DST: variants seen among roughly 807,000 people sequenced by gnomAD.
DST encodes dystonin.
DST carries 253 observed loss-of-function variants against 875.2 expected under a neutral mutation model. The ratio of observed to expected loss-of-function variants is 0.29; its 90% confidence interval spans 0.26 to 0.32. DST has a LOEUF of 0.32. DST is among the 10% of genes least tolerant of loss of function. The pLI is 1.00. For synonymous variants in DST, 3,124 were observed against 3,197.1 expected, an observed-to-expected ratio of 0.98 and a Z score of 0.77; for missense variants, 8,287 against 9,111.6, an observed-to-expected ratio of 0.91 and a Z score of 3.68.
At chr6:56,506,855 C>T in intron 75 of DST, 66 bp from the exon 76 acceptor site, 1 of 1,468,830 alleles carries the variant, frequency 6.8e-7, no homozygotes, top group Non-Finnish European at 9.1e-7. Flanking sequence ...AAAAAGTACA[C>T]AACAATATCA....
intron 9 of DST, among the ~76,000 whole-genome samples, chr6:56,676,959 C>T (rs1356436533): frequency 2.0e-5 from 3 of 152,074 alleles, no homozygotes; most frequent in Admixed American, 6.6e-5. Context: ...ATTTCTCTTA[C>T]ACAACATAGT....
chr6:56,640,063 G>A lies in DST; in HGVS notation c.2491-6C>T, dbSNP rs143259402. 1.1e-3 allele frequency: 1,707 copies of A among 1,613,946 alleles called. 9 individuals carry two copies. The African/African-American group carries it at 0.02, about 19-fold the overall frequency. On this transcript the variant is annotated splice_region_variant and splice_polypyrimidine_tract_variant and intron_variant, in intron 18 of 103. Transcript: ENST00000680361. ...TCAGTGCGGTCCAGTTGTACCTTCA[G>A]ACAGTAAAATACTAAGTTTAAAAAA...
At position 56,572,974 on chromosome 6, in the gene DST, T is replaced by A; in HGVS notation, c.13327A>T (p.Thr4443Ser). 6.2e-7 allele frequency: 1 copy of A among 1,611,314 alleles called. No homozygotes were observed. Among genetic ancestry groups the A allele is most frequent in the Non-Finnish European group, 8.5e-7 (1 of 1,178,698 alleles). The change falls in exon 52 of 104, where the codon ACT (threonine) becomes TCT (serine). Residue 4443 changes from threonine (T) to serine (S), a missense_variant. Physicochemically the swap from Thr to Ser is moderately conservative, Grantham distance 58. This residue lies in a region of DST where 1,513 missense variants were observed against 1,677.8 expected (regional missense o/e 0.90). Coordinates refer to ENST00000680361, the MANE Select transcript of DST (RefSeq NM_001374736.1). ...ATTTTGGCTTGCAGTGAGGATGCAG[T>A]GGATGGATCTGTTGTTTCCATAAAT... ...KKFMETTDPS[T>S]ASSLQAKMKD...
intron 80 of DST, among the ~76,000 whole-genome samples, chr6:56,500,158 A>G (rs575242426): frequency 1.4e-4 from 21 of 152,288 alleles, no homozygotes; most frequent in African/African-American, 4.8e-4. Context: ...CTTTTTAAAA[A>G]ATGTGAATCA....
intron 4 of DST, 58 bp downstream of exon 4, chr6:56,851,339 T>C: frequency 6.6e-7 from 1 of 1,521,556 alleles, no homozygotes; most frequent in South Asian, 1.2e-5. Context: ...AGGAGGTAGA[T>C]GGGCGAATTT....
Position 56,515,682 on chromosome 6 carries a change from G to T in DST, c.18358-14C>A. The T allele has an allele frequency of 6.4e-7, 1 of 1,567,336 alleles. No homozygotes were observed. Among genetic ancestry groups the T allele is most frequent in the East Asian group, 2.4e-5 (1 of 42,532 alleles). On this transcript the variant is annotated splice_polypyrimidine_tract_variant and intron_variant, in intron 71 of 103. Coordinates refer to ENST00000680361, the MANE Select transcript of DST (RefSeq NM_001374736.1). ...GTCCAGTTTTTTCTAGAAAATAAAA[G>T]GATGAAATGTTTAACTGGTCAGGCC...
At chr6:56,942,812 C>T (rs1481931782) in intron 2 of DST, among the ~76,000 whole-genome samples, 1 of 145,774 alleles carries the variant, frequency 6.9e-6, no homozygotes, top group African/African-American at 2.5e-5. Context: ...AACTCCTGGG[C>T]TTAAAAGCAG....
intron 37 of DST, 37 bp downstream of exon 37, chr6:56,614,319 A>G: frequency 1.4e-6 from 2 of 1,428,430 alleles, no homozygotes; most frequent in Middle Eastern, 1.9e-4. Flanking sequence ...CGTCCCTGCT[A>G]TTATTATTAT....
rs375981087 is a variant in DST at position 56,788,160 on chromosome 6, ACT to A, written c.626-52873_626-52872del. On this transcript the variant is annotated intron_variant, in intron 4 of 103. Transcript: ENST00000680361. ...AAAAAAAAAAAAAAAAAAAAATCAG[ACT>A]CTGAAAACATTTAATTATAGCAAGT... Among the ~76,000 whole-genome samples, 231 of 141,276 alleles carry A rather than the reference ACT, an allele frequency of 1.6e-3. 2 individuals are homozygous for A. The highest frequency in any genetic ancestry group is 5.8e-3 in the African/African-American group (221 of 38,030). 92.7% of individuals were successfully genotyped at this position (141,276 alleles called of 152,430 possible).
chr6:56,950,012 A>T (rs1317334208), intron 2 of DST, among the ~76,000 whole-genome samples: 1 of 152,228 alleles, frequency 6.6e-6, no homozygotes, highest in Non-Finnish European at 1.5e-5. Flanking sequence ...GTTCAGTATT[A>T]TAAGAAATGT....
At chr6:56,906,173 T>C (rs540721442) in intron 2 of DST, among the ~76,000 whole-genome samples, 60 of 152,306 alleles carry the variant, frequency 3.9e-4, no homozygotes, top group South Asian at 2.3e-3. Flanking sequence ...GCATAGCGGC[T>C]ACACCAGTTT....
At chr6:56,655,553 T>C (rs188685798) in intron 10 of DST, among the ~76,000 whole-genome samples, 21 of 152,332 alleles carry the variant, frequency 1.4e-4, no homozygotes, top group African/African-American at 4.8e-4. Flanking sequence ...TAATTATTTA[T>C]GTGGATACAA....
chr6:56,774,977 A>G (rs1358577883), intron 4 of DST, among the ~76,000 whole-genome samples: 8 of 145,978 alleles, frequency 5.5e-5, no homozygotes, highest in Admixed American at 1.4e-4. Flanking sequence ...GGGCAACAAG[A>G]GCGAAACTCC....
At chr6:56,845,004 A>G (rs1040514076) in intron 4 of DST, among the ~76,000 whole-genome samples, 1 of 152,198 alleles carries the variant, frequency 6.6e-6, no homozygotes, top group Non-Finnish European at 1.5e-5. Context: ...TGCCTAACTC[A>G]TAAAGTTGTA....
chr6:56,512,522 T>C (rs2096496820), intron 72 of DST, among the ~76,000 whole-genome samples: 1 of 152,192 alleles, frequency 6.6e-6, no homozygotes, highest in South Asian at 2.1e-4. Flanking sequence ...CTCTTTGTCC[T>C]CACCAGAATG....
In DST at chr6:56,689,108, T is replaced by C. The variant is rs561812134; in HGVS notation, c.1047+10545A>G. On this transcript the variant is annotated intron_variant, in intron 9 of 103. Coordinates refer to ENST00000680361, the MANE Select transcript of DST (RefSeq NM_001374736.1). Reference sequence around the variant, plus strand: ...ACTTTCCTGAGACTCAGTTTCCTCATCTATAAAGATGGAGCTCATAACAGA... The same window carrying C: ...ACTTTCCTGAGACTCAGTTTCCTCACCTATAAAGATGGAGCTCATAACAGA... Among the ~76,000 whole-genome samples the C allele has an allele frequency of 1.2e-3, 184 of 152,294 alleles. 2 individuals are homozygous for C. Among genetic ancestry groups the C allele is most frequent in the Non-Finnish European group, 1.5e-3 (101 of 68,034 alleles).
intron 49 of DST, among the ~76,000 whole-genome samples, chr6:56,588,249 C>T (rs2098200571): frequency 1.3e-5 from 2 of 152,180 alleles, no homozygotes; most frequent in Non-Finnish European, 1.5e-5. Context: ...TCAATCTCAA[C>T]TTTCTGTTCC....
Position 56,472,066 on chromosome 6 carries a change from A to C in DST, c.22151T>G (p.Leu7384Arg). The C allele has an allele frequency of 6.2e-7, 1 of 1,613,910 alleles. No individual in the cohort carries two copies. The highest frequency in any genetic ancestry group is 8.5e-7 in the Non-Finnish European group (1 of 1,179,794). Residue 7384 changes from leucine (L) to arginine (R), a missense_variant, in exon 94 of 104, where the codon CTA becomes CGA. This residue lies in a region of DST where 1,292 missense variants were observed against 1,552.7 expected (regional missense o/e 0.83). Transcript: ENST00000680361. Reference protein sequence around the residue: ...RRKLNDALDRLEELREFANFD... With the variant: ...RRKLNDALDRREELREFANFD... ...GGGTATGAATTTCCAAACCTCCTCTAGTCTGTCCAAGGCATCATTGAGTTT... is the reference window on the plus strand; with the variant it reads ...GGGTATGAATTTCCAAACCTCCTCTCGTCTGTCCAAGGCATCATTGAGTTT...
At chr6:56,826,895 A>C (rs565194304) in intron 4 of DST, among the ~76,000 whole-genome samples, 1 of 152,332 alleles carries the variant, frequency 6.6e-6, no homozygotes, top group Non-Finnish European at 1.5e-5. Context: ...AACAAGTCAC[A>C]TTCTCAAAAG....
Sources: allele counts gnomAD v4.1 joint callset (sites outside exome capture counted in the v4.1 genomes callset), GRCh38; gene constraint gnomAD v4.1.1; regional missense constraint gnomAD v4.1.1; transcripts MANE v1.5; gene names NCBI Gene and HGNC (gene_info 2026-07-23, HGNC 2026-07-21).